Variants in DPP6 observed in about 807,000 individuals in gnomAD.
The protein encoded by DPP6 is dipeptidyl peptidase like 6, also known as A-type potassium channel modulatory protein DPP6.
A neutral mutation model predicts 122.6 loss-of-function variants in DPP6; 69 were observed. That is an observed-to-expected ratio of 0.56 (90% confidence interval 0.46 to 0.69). The LOEUF (loss-of-function observed/expected upper bound fraction) is 0.69, where lower values mean the gene tolerates loss of function less well. Among genes scored for constraint, DPP6 ranks in the 30% least tolerant of loss-of-function variants. DPP6 has a pLI of 0.00. For missense variants in DPP6, 928 were observed against 1,116.9 expected (o/e 0.83, Z 2.41); for synonymous variants, 418 against 433.1 (o/e 0.97, Z 0.43).
At chr7:153,776,258 G>A in the DPP6 span, among the ~76,000 whole-genome samples, 1 of 152,248 alleles carries the variant, frequency 6.6e-6, no homozygotes, top group East Asian at 1.9e-4. Flanking sequence ...ATCTTGAATT[G>A]TAGTTCCCGT....
intron 1 of DPP6, among the ~76,000 whole-genome samples, chr7:154,067,916 TTGTTTGTTTGTTTGTTTG>T (rs1802849057): frequency 1.5e-5 from 2 of 136,666 alleles, no homozygotes; most frequent in African/African-American, 6.8e-5. Flanking sequence ...TGTTTTTTTT[TTGTTTGTTTGTTTGTTTG>T]TTTTTTTGAT....
rs1823338509 is a variant in DPP6 at position 154,481,919 on chromosome 7, G to C, written c.457+6882G>C. 6.6e-6 allele frequency among the ~76,000 whole-genome samples: 1 copy of C among 152,176 alleles called. No individual in the cohort carries two copies. Among genetic ancestry groups the C allele is most frequent in the South Asian group, 2.1e-4 (1 of 4,820 alleles). On this transcript the variant is annotated intron_variant, in intron 3 of 25. Transcript: ENST00000377770. This position sits in a 1 kb window ranked among gnomAD's most constrained non-coding sequence, Gnocchi z 4.2. ...CCACAAGGATGGGACTCGCATCTCT[G>C]TTTACTGTGGTATCCCCAGCACCAG...
the DPP6 span, among the ~76,000 whole-genome samples, chr7:153,814,722 A>C: frequency 0.048 from 7,319 of 152,214 alleles, 611 homozygotes; most frequent in African/African-American, 0.17. Flanking sequence ...AAATACTGGC[A>C]AAACGAATCC....
rs975202789 is a variant in DPP6, at chr7:154,058,466, C to G, written c.243+5403C>G. 3 of 134,466 alleles carry G rather than the reference C, an allele frequency of 2.2e-5. 1 individual carries two copies. Among genetic ancestry groups the G allele is most frequent in the Admixed American group, 7.3e-5 (1 of 13,628 alleles). 8.3% of individuals were successfully genotyped at this position (134,466 alleles called of 1,614,324 possible). On this transcript the variant is annotated intron_variant, in intron 1 of 25. Coordinates refer to ENST00000377770, the MANE Select transcript of DPP6 (RefSeq NM_130797.4). Reference sequence around the variant, plus strand: ...TCTCTTCCGCACCTGGCTGTTGGTACCCCCATCGTAGGGGGGGGGAGGCAC... The same window carrying G: ...TCTCTTCCGCACCTGGCTGTTGGTAGCCCCATCGTAGGGGGGGGGAGGCAC...
At position 153,942,425 on chromosome 7, in the gene DPP6, G is replaced by C. The variant is rs772914746; in HGVS notation, c.51+54691G>C. On this transcript the variant is annotated intron_variant, in intron 1 of 25. Coordinates refer to the DPP6 transcript ENST00000404039. ...GTGCCAGTTCCCTGTGAGATCTTGA[G>C]GGTGTGGACAGGTGGCCCTCAGAGG... 6.6e-4 allele frequency among the ~76,000 whole-genome samples: 100 copies of C among 152,262 alleles called. 1 individual carries two copies. Among genetic ancestry groups the C allele is most frequent in the Non-Finnish European group, 3.8e-4 (26 of 68,048 alleles).
At chr7:154,679,570 A>G (rs1839156232) in intron 7 of DPP6, among the ~76,000 whole-genome samples, 4 of 152,156 alleles carry the variant, frequency 2.6e-5, no homozygotes, top group South Asian at 2.1e-4. Context: ...GGCTGTAGCA[A>G]AGGGGGCAGG....
rs187784171 is a variant in DPP6 at position 154,863,221 on chromosome 7, A to G, written c.1715-4774A>G. Among the ~76,000 whole-genome samples, 46 of 152,010 alleles carry G rather than the reference A, an allele frequency of 3.0e-4. No homozygotes were observed. The East Asian group carries it at 6.0e-3, about 20-fold the overall frequency. On this transcript the variant is annotated intron_variant, in intron 17 of 25. Coordinates refer to ENST00000377770, the MANE Select transcript of DPP6 (RefSeq NM_130797.4). This position sits in a 1 kb window ranked among gnomAD's most constrained non-coding sequence, Gnocchi z 4.1. ...CCGAACCCTTTCCTTTGTCTTTTCT[A>G]TTTTGTTCATAAAGCATGTCTCTGT... is the stretch of plus-strand genomic sequence containing the variant.
chr7:153,770,584 T>G, the DPP6 span, among the ~76,000 whole-genome samples: 2 of 152,162 alleles, frequency 1.3e-5, no homozygotes, highest in Admixed American at 1.3e-4. Flanking sequence ...CCTCACTCTC[T>G]ACTATTCTAC....
At chr7:153,834,681 G>A in the DPP6 span, among the ~76,000 whole-genome samples, 1 of 152,158 alleles carries the variant, frequency 6.6e-6, no homozygotes, top group African/African-American at 2.4e-5. Flanking sequence ...TTATAGTTGA[G>A]TAAACTGAAG....
intron 1 of DPP6, among the ~76,000 whole-genome samples, chr7:154,329,422 G>T (rs6960109): frequency 0.2 from 30,265 of 152,150 alleles, 4,067 homozygotes; most frequent in African/African-American, 0.38. Flanking sequence ...GTTCATATCC[G>T]TCACCCACTT....
chr7:153,862,986 AATG>A, the DPP6 span, among the ~76,000 whole-genome samples: 1 of 152,208 alleles, frequency 6.6e-6, no homozygotes, highest in Non-Finnish European at 1.5e-5. Flanking sequence ...TTACAGGAAA[AATG>A]ATATATAAGA....
chr7:154,501,978 C>T (rs897168135), intron 3 of DPP6, among the ~76,000 whole-genome samples: 5 of 152,202 alleles, frequency 3.3e-5, no homozygotes, highest in African/African-American at 1.2e-4. Flanking sequence ...GAACCCACCT[C>T]TTGCATCAAC....
At chr7:154,861,500 T>A (rs1212615451) in intron 17 of DPP6, among the ~76,000 whole-genome samples, 1 of 152,214 alleles carries the variant, frequency 6.6e-6, no homozygotes, top group East Asian at 1.9e-4. Context: ...ACATTCCATT[T>A]GTCCGCCCGT....
At chr7:154,676,572 C>T (rs1838924617) in intron 7 of DPP6, among the ~76,000 whole-genome samples, 1 of 152,374 alleles carries the variant, frequency 6.6e-6, no homozygotes, top group East Asian at 1.9e-4. Context: ...GACACTGTAC[C>T]CACACCCTGC....
At chr7:154,319,287 T>G (rs920925229) in intron 1 of DPP6, among the ~76,000 whole-genome samples, 46 of 152,266 alleles carry the variant, frequency 3.0e-4, no homozygotes, top group African/African-American at 1.0e-3. Flanking sequence ...CAGGCGAGAT[T>G]TTTATTTTTA....
At chr7:154,171,883 G>C (rs997460115) in intron 1 of DPP6, among the ~76,000 whole-genome samples, 1 of 152,106 alleles carries the variant, frequency 6.6e-6, no homozygotes, top group Non-Finnish European at 1.5e-5. Flanking sequence ...CCTGATTGCA[G>C]AGTCTCCAAG....
chr7:154,812,993 A>G lies in DPP6; in HGVS notation c.1666+5881A>G, dbSNP rs116750095. 4.9e-3 allele frequency among the ~76,000 whole-genome samples: 738 copies of G among 152,126 alleles called. 4 individuals are homozygous for G. The highest frequency in any genetic ancestry group is 0.016 in the African/African-American group (681 of 41,512). The stretch of plus-strand genomic sequence containing the variant: ...TGTTTATAATTCTTAATTCCTTAAA[A>G]TTTTTTATTGTACATACAAACCTAA... On this transcript the variant is annotated intron_variant, in intron 16 of 25. Transcript: ENST00000377770.
rs1806285871 is a variant in DPP6, at chr7:154,887,804, T to TG, written c.2304+72dup. 6.4e-6 allele frequency: 10 copies of TG among 1,559,120 alleles called. No individual in the cohort carries two copies. In the East Asian group the frequency reaches 2.0e-4, roughly 31 times the overall value. Reference sequence around the variant, plus strand: ...TCTGCCACAGTCTCCCAGCCTGCCCTGGCTGTATGGCCCACTCTGCCTTCC... The same window carrying TG: ...TCTGCCACAGTCTCCCAGCCTGCCCTGGGCTGTATGGCCCACTCTGCCTTCC... On this transcript the variant is annotated intron_variant, in intron 23 of 25. Transcript: ENST00000377770.
At position 154,515,083 on chromosome 7, in the gene DPP6, G is replaced by A. The variant is rs2129867683; in HGVS notation, c.458-25449G>A. Among the ~76,000 whole-genome samples, 3 of 152,318 alleles carry A rather than the reference G, an allele frequency of 2.0e-5. No individual in the cohort carries two copies. In the Middle Eastern group the frequency reaches 0.01, roughly 518 times the overall value. On this transcript the variant is annotated intron_variant, in intron 3 of 25. Transcript: ENST00000377770. ...GAAATTAGGCCTTAAAATGCTTAAT[G>A]TACAAAAGAACAAGCAATATACACT... is the stretch of plus-strand genomic sequence containing the variant.
Sources: gnomAD v4.1 joint callset for allele counts (sites outside exome capture counted in the v4.1 genomes callset) on GRCh38, gnomAD v4.1.1 for gene constraint, Gnocchi (gnomAD v3.1) non-coding constraint, MANE v1.5 for transcripts, NCBI Gene and HGNC (gene_info 2026-07-23, HGNC 2026-07-21) for gene names.